The following PHF24 variants were observed in gnomAD, a reference collection of about 807,000 sequenced individuals.
PHF24 encodes Galpha inhibitory interacting protein.
Under a neutral mutation model 42.6 loss-of-function variants are expected in PHF24, and 25 were observed. That is an observed-to-expected ratio of 0.59 (90% CI 0.43 to 0.82). The LOEUF (loss-of-function observed/expected upper bound fraction) is 0.82, where lower values mean the gene tolerates loss of function less well. Ranked by LOEUF, PHF24 falls within the 40% of genes least tolerant of loss-of-function variation. The probability of loss-of-function intolerance (pLI) is 0.00; values close to 1 mark genes in which losing one functional copy is unlikely to be tolerated. For synonymous variants in PHF24, 185 were observed against 204.8 expected (o/e 0.90, Z 0.83); for missense variants, 470 against 538.1 (o/e 0.87, Z 1.25).
the PHF24 span, among the ~76,000 whole-genome samples, chr9:34,744,181 C>A: frequency 6.6e-6 from 1 of 152,148 alleles, no homozygotes; most frequent in East Asian, 1.9e-4. Flanking sequence ...TAATTCCAAG[C>A]TGGCAAAAGT....
At chr9:34,665,735 G>A in the PHF24 span, 2 of 698,132 alleles carry the variant, frequency 2.9e-6, no homozygotes, top group South Asian at 1.5e-5. Context: ...CCCCTTCTCC[G>A]TCATTCTCAG....
At chr9:34,942,573 A>G in the PHF24 span, among the ~76,000 whole-genome samples, 8 of 152,140 alleles carry the variant, frequency 5.3e-5, no homozygotes, top group South Asian at 2.1e-4. Flanking sequence ...GGGCATTAAC[A>G]TAACCCTGAG....
the PHF24 span, among the ~76,000 whole-genome samples, chr9:34,840,410 CCCTCCTTCTCCTCCT>C: frequency 4.9e-5 from 7 of 143,252 alleles, no homozygotes; most frequent in Non-Finnish European, 9.3e-5. Flanking sequence ...TCTCTAATTT[CCCTCCTTCTCCTCCT>C]CCTCCTTCTT....
the PHF24 span, among the ~76,000 whole-genome samples, chr9:34,845,823 C>T: frequency 7.0e-6 from 1 of 142,188 alleles, no homozygotes; most frequent in East Asian, 2.1e-4. Context: ...TTGTTCAGTT[C>T]CCACCTATGA....
chr9:34,874,222 C>T, the PHF24 span, among the ~76,000 whole-genome samples: 1 of 152,134 alleles, frequency 6.6e-6, no homozygotes, highest in South Asian at 2.1e-4. Flanking sequence ...GCCAGCACTT[C>T]CAACATTATG....
At chr9:34,835,166 G>A in the PHF24 span, 3 of 1,549,216 alleles carry the variant, frequency 1.9e-6, no homozygotes, top group Non-Finnish European at 2.6e-6. Flanking sequence ...TGGGTTCATT[G>A]TGGACCATTC....
chr9:34,955,523 A>C (rs1263770688), upstream of PHF24, among the ~76,000 whole-genome samples: 2 of 152,182 alleles, frequency 1.3e-5, no homozygotes, highest in Non-Finnish European at 2.9e-5. Flanking sequence ...CCAAAAATCC[A>C]AAAATTAGCC....
At chr9:34,786,308 T>C in the PHF24 span, among the ~76,000 whole-genome samples, 2 of 152,320 alleles carry the variant, frequency 1.3e-5, no homozygotes, top group African/African-American at 4.8e-5. Context: ...GAGGAAGAAT[T>C]CTCTACTATA....
the PHF24 span, among the ~76,000 whole-genome samples, chr9:34,905,921 A>G: frequency 1.3e-5 from 2 of 152,178 alleles, no homozygotes; most frequent in African/African-American, 2.4e-5. Context: ...TCACGTGGAC[A>G]TGAACTGTGG....
the PHF24 span, chr9:34,922,523 G>T: frequency 9.4e-7 from 1 of 1,065,968 alleles, no homozygotes; most frequent in South Asian, 1.3e-5. Context: ...CATCACCAGC[G>T]GCAACCTCAG....
chr9:34,844,146 C>T, the PHF24 span, among the ~76,000 whole-genome samples: 9 of 151,980 alleles, frequency 5.9e-5, no homozygotes, highest in East Asian at 3.9e-4. Flanking sequence ...GTAATGTTTC[C>T]GCTTTCATTC....
At chr9:34,958,275 C>CTCA (rs1826457388), upstream of PHF24, 1 of 152,162 alleles carries the variant, frequency 6.6e-6, no homozygotes, top group African/African-American at 2.5e-5. The surrounding 1 kb of genome is among the most constrained non-coding windows in gnomAD (Gnocchi z 4.5). Flanking sequence ...CCTGCCGCTC[C>CTCA]GCCCGCGCCG....
chr9:34,727,591 G>T, the PHF24 span, among the ~76,000 whole-genome samples: 2 of 152,186 alleles, frequency 1.3e-5, no homozygotes, highest in Admixed American at 6.5e-5. Flanking sequence ...ACCGGAGGAG[G>T]TCATGTCAGC....
At chr9:34,875,946 A>ACTCTCTCTCTCT in the PHF24 span, among the ~76,000 whole-genome samples, 23 of 89,066 alleles carry the variant, frequency 2.6e-4, no homozygotes, top group African/African-American at 1.1e-3. Flanking sequence ...ACACACACAC[A>ACTCTCTCTCTCT]CACACTCTCT....
At chr9:34,697,014 G>C in the PHF24 span, among the ~76,000 whole-genome samples, 4 of 152,220 alleles carry the variant, frequency 2.6e-5, no homozygotes, top group Non-Finnish European at 4.4e-5. Context: ...TGTCCTGGGA[G>C]AATCCCAGGA....
At chr9:34,978,100 C>T (rs1313012790) in exon 8 of PHF24, 30 of 1,612,432 alleles carry the variant, frequency 1.9e-5, no homozygotes, top group Admixed American at 5.0e-5. Flanking sequence ...TCACCTGAAG[C>T]CCCCAGGATA....
the PHF24 span, chr9:34,728,671 A>T: frequency 1.3e-6 from 2 of 1,551,228 alleles, no homozygotes; most frequent in Admixed American, 2.0e-5. Context: ...AGACAAAAAC[A>T]TTAGAATGTG....
chr9:34,728,678 T>C, the PHF24 span: 2 of 1,550,646 alleles, frequency 1.3e-6, no homozygotes, highest in African/African-American at 1.4e-5. Flanking sequence ...AACATTAGAA[T>C]GTGAAGCTGG....
chr9:34,930,597 T>C, the PHF24 span, among the ~76,000 whole-genome samples: 1 of 152,180 alleles, frequency 6.6e-6, no homozygotes, highest in Admixed American at 6.5e-5. Context: ...ACTCCTGGTA[T>C]TTATGAAGAT....
Sources: gnomAD v4.1 joint callset for allele counts (sites outside exome capture counted in the v4.1 genomes callset) on GRCh38, gnomAD v4.1.1 for gene constraint, Gnocchi (gnomAD v3.1) non-coding constraint, MANE v1.5 for transcripts, NCBI Gene and HGNC (gene_info 2026-07-23, HGNC 2026-07-21) for gene names.